The following LMBR1L variants were observed in gnomAD, a reference collection of about 807,000 sequenced individuals.
LMBR1L encodes the protein protein LMBR1L.
LMBR1L carries 47 observed loss-of-function variants against 67.3 expected under a neutral mutation model. The observed-to-expected ratio is 0.70, with a 90% CI of 0.55 to 0.89. The LOEUF (loss-of-function observed/expected upper bound fraction) is 0.89, where lower values mean the gene tolerates loss of function less well. LMBR1L is among the 40% of genes least tolerant of loss of function. LMBR1L has a pLI of 0.00. For synonymous variants in LMBR1L, 247 were observed against 250.3 expected (o/e 0.99, Z 0.13); for missense variants, 533 against 599.2 (o/e 0.89, Z 1.15).
At chr12:49,104,107 C>A in intron 5 of LMBR1L, 1 of 475,166 alleles carries the variant, frequency 2.1e-6, no homozygotes, top group Non-Finnish European at 3.7e-6. Flanking sequence ...CCTCTGGTTT[C>A]GCATCCAACA....
intron 1 of LMBR1L, chr12:49,109,751 G>A (rs1361171917): frequency 2.2e-6 from 1 of 456,470 alleles, no homozygotes; most frequent in Non-Finnish European, 4.4e-6. Flanking sequence ...GTCCACTTCT[G>A]TGCGCAAGGT....
At chr12:49,106,672 T>C in intron 2 of LMBR1L, 1 of 1,283,546 alleles carries the variant, frequency 7.8e-7, no homozygotes, top group Non-Finnish European at 1.1e-6. Flanking sequence ...CACAAAGGGC[T>C]TTCACATTAA....
At chr12:49,097,767 A>T in intron 16 of LMBR1L, 28 bp from the exon 17 acceptor site, 2 of 1,613,874 alleles carry the variant, frequency 1.2e-6, no homozygotes, top group Non-Finnish European at 1.7e-6. Flanking sequence ...GGCAGTCAAA[A>T]GCAAGTCAAA....
At chr12:49,102,008 G>A in intron 11 of LMBR1L, 112 bp downstream of exon 11, 1 of 897,912 alleles carries the variant, frequency 1.1e-6, no homozygotes, top group Non-Finnish European at 1.8e-6. Flanking sequence ...CACTCAGTGA[G>A]AAGCAACCAC....
Position 49,100,629 on chromosome 12 carries a change from G to A in LMBR1L, c.1100C>T (p.Ser367Leu), listed in dbSNP as rs1415195713. ...VVLIFYLMVS[S>L]VVGFYSSPLF... ...TGGAGAGCTATAGAAGCCCACAACT[G>A]AGGACACCATTAGGTAACTGCCACT... Residue 367 changes from serine to leucine, a missense_variant, in exon 14 of 17, where the codon TCA becomes TTA. By Grantham distance (145) the Ser-to-Leu change is moderately radical. Coordinates refer to ENST00000267102, the MANE Select transcript of LMBR1L (RefSeq NM_018113.4). 1.1e-5 allele frequency: 17 copies of A among 1,613,724 alleles called. No homozygotes were observed. Among genetic ancestry groups the A allele is most frequent in the Non-Finnish European group, 1.4e-5 (16 of 1,179,768 alleles).
chr12:49,103,163 A>C lies in LMBR1L; in HGVS notation c.563-4T>G. ...GGGAGATAGTACTCCCAAAAGTCTA[A>C]GGATAAAAAAAAGAGGCATGTCAGC... is the stretch of plus-strand genomic sequence containing the variant. On this transcript the variant is annotated splice_region_variant and splice_polypyrimidine_tract_variant and intron_variant, in intron 6 of 16. Transcript: ENST00000267102. 1 of 1,613,270 alleles carries C rather than the reference A, an allele frequency of 6.2e-7. No individual in the cohort carries two copies. Among genetic ancestry groups the C allele is most frequent in the South Asian group, 1.1e-5 (1 of 91,070 alleles).
Position 49,101,460 on chromosome 12 carries a change from G to C in LMBR1L, c.1008+12C>G. 1 of 1,613,480 alleles carries C rather than the reference G, an allele frequency of 6.2e-7. No individual in the cohort carries two copies. The highest frequency in any genetic ancestry group is 8.5e-7 in the Non-Finnish European group (1 of 1,179,554). On this transcript the variant is annotated intron_variant, in intron 12 of 16. Coordinates refer to ENST00000267102, the MANE Select transcript of LMBR1L (RefSeq NM_018113.4). ...CCTCCCCAAAGGATATGGTGGGAGG[G>C]CAGCCTGGTACCTGCATGCCTCGGG...
rs1245570220 is a variant in LMBR1L, at chr12:49,106,963, GT to G, written c.154del (p.Thr52GlnfsTer105). The G allele has an allele frequency of 6.2e-7, 1 of 1,607,516 alleles. No homozygotes were observed. Among genetic ancestry groups the G allele is most frequent in the Non-Finnish European group, 8.5e-7 (1 of 1,173,932 alleles). On this transcript the variant is annotated frameshift_variant, in exon 2 of 17. Coordinates refer to ENST00000267102, the MANE Select transcript of LMBR1L (RefSeq NM_018113.4). LOFTEE classifies it high-confidence loss of function. ...TRFKKPAEFT[T>X]VDDEDATVNK... is the part of the protein sequence containing the mutation. The stretch of plus-strand genomic sequence containing the variant: ...AGGAGGGAGGGAAATCAAAGTACCT[GT>G]GGTGAACTCAGCAGGCTTCTTGAAG...
intron 2 of LMBR1L, chr12:49,106,194 T>C (rs1940882856): frequency 3.6e-6 from 2 of 555,546 alleles, no homozygotes; most frequent in Non-Finnish European, 6.4e-6. Context: ...ATTCCTATAC[T>C]TCTTTACTCC....
At chr12:49,109,413 A>G (rs545053343) in intron 1 of LMBR1L, among the ~76,000 whole-genome samples, 1 of 152,188 alleles carries the variant, frequency 6.6e-6, no homozygotes, top group East Asian at 1.9e-4. Context: ...ACAGACTAAT[A>G]TACTTTCCTG....
intron 2 of LMBR1L, chr12:49,106,443 T>C (rs1358374444): frequency 3.6e-6 from 2 of 554,532 alleles, no homozygotes; most frequent in South Asian, 1.6e-5. Flanking sequence ...AGCTAGGAAC[T>C]GGGGCAAGTG....
Position 49,101,522 on chromosome 12 carries a change from G to A in LMBR1L, c.958C>T (p.His320Tyr). The A allele has an allele frequency of 6.2e-7, 1 of 1,613,894 alleles. No individual in the cohort carries two copies. Among genetic ancestry groups the A allele is most frequent in the Admixed American group, 1.7e-5 (1 of 60,002 alleles). ...TCATCGATGAGCAGCTCCAGGATGT[G>A]GATGGCCACAATGAGCACAGACAGG... ...TGLSVLIVAIHILELLIDEAA... is the reference protein window; with the variant it reads ...TGLSVLIVAIYILELLIDEAA... Residue 320 changes from histidine (H) to tyrosine (Y), a missense_variant, in exon 12 of 17, where the codon CAC becomes TAC. Physicochemically the swap from His to Tyr is moderately conservative, Grantham distance 83. This residue lies in a region of LMBR1L where 223 missense variants were observed against 241.2 expected (regional missense o/e 0.92). Coordinates refer to ENST00000267102, the MANE Select transcript of LMBR1L (RefSeq NM_018113.4).
At position 49,097,697 on chromosome 12, in the gene LMBR1L, G is replaced by T. The variant is rs1379624926; in HGVS notation, c.1445C>A (p.Ala482Glu). 6.2e-7 allele frequency: 1 copy of T among 1,613,864 alleles called. No individual in the cohort carries two copies. Among genetic ancestry groups the T allele is most frequent in the East Asian group, 2.2e-5 (1 of 44,884 alleles). The change falls in exon 17 of 17, where the codon GCA (alanine) becomes GAA (glutamate). Residue 482 changes from alanine (A) to glutamate (E), a missense_variant. Coordinates refer to ENST00000267102, the MANE Select transcript of LMBR1L (RefSeq NM_018113.4). ...LPLPVSGFPQASRKTQHQ is the reference protein window; with the variant it reads ...LPLPVSGFPQESRKTQHQ ...TCACTGGTGCTGGGTCTTCCTAGATGCCTGGGGGAAACCGGAGACGGGCAG... is the reference window on the plus strand; with the variant it reads ...TCACTGGTGCTGGGTCTTCCTAGATTCCTGGGGGAAACCGGAGACGGGCAG...
In LMBR1L at chr12:49,102,941, T is replaced by C. The variant is rs1940398165; in HGVS notation, c.642A>G (p.Pro214=). 6.2e-7 allele frequency: 1 copy of C among 1,614,086 alleles called. No individual in the cohort carries two copies. The highest frequency in any genetic ancestry group is 8.5e-7 in the Non-Finnish European group (1 of 1,179,996). The part of the protein sequence containing the change: ...LGVLLLLVCT[P]LGLARMFSVT... ...CGGAGAACATGCGGGCGAGACCCAG[T>C]GGAGTACACACTGTAGGGACAAGAG... is the stretch of plus-strand genomic sequence containing the variant. Residue 214 remains proline, a synonymous_variant, in exon 8 of 17, where the codon CCA becomes CCG. Coordinates refer to ENST00000267102, the MANE Select transcript of LMBR1L (RefSeq NM_018113.4).
chr12:49,099,292 G>A (rs991434001), intron 15 of LMBR1L, among the ~76,000 whole-genome samples: 2 of 151,792 alleles, frequency 1.3e-5, no homozygotes, highest in Non-Finnish European at 2.9e-5. Flanking sequence ...GAGATTACAG[G>A]CATGTGCCAC....
rs187794352 is a variant in LMBR1L at position 49,097,212 on chromosome 12, G to C, written c.*460C>G. On this transcript the variant is annotated 3_prime_UTR_variant, in exon 17 of 17. Coordinates refer to ENST00000267102, the MANE Select transcript of LMBR1L (RefSeq NM_018113.4). ...GAAGCCTCCTCCTCCCTATCCCCTT[G>C]GTCTTTCAGGTGGTCCAAAGCCCCT... is the stretch of plus-strand genomic sequence containing the variant. 2.5e-3 allele frequency: 398 copies of C among 160,216 alleles called. 1 individual carries two copies. Among genetic ancestry groups the C allele is most frequent in the Middle Eastern group, 6.3e-3 (2 of 320 alleles). The allele number at this position is 160,216 out of a possible 1,614,324, so 9.9% of individuals were successfully genotyped here.
At chr12:49,104,587 A>T in intron 4 of LMBR1L, 36 bp from the exon 5 acceptor site, 2 of 1,581,760 alleles carry the variant, frequency 1.3e-6, no homozygotes, top group South Asian at 2.2e-5. Context: ...GTGGTCAGTA[A>T]GGGGAGGGGC....
intron 8 of LMBR1L, 115 bp downstream of exon 8, chr12:49,102,772 G>A: frequency 2.0e-6 from 2 of 1,017,058 alleles, no homozygotes; most frequent in Non-Finnish European, 3.0e-6. Context: ...AACCAACAAA[G>A]GCTGTAGCTC....
chr12:49,109,198 C>T (rs764368820), intron 1 of LMBR1L, among the ~76,000 whole-genome samples: 1 of 152,136 alleles, frequency 6.6e-6, no homozygotes, highest in Non-Finnish European at 1.5e-5. Context: ...GCTCATGGGA[C>T]TAAAGGATTA....
Sources: gnomAD v4.1 joint callset for allele counts (sites outside exome capture counted in the v4.1 genomes callset) on GRCh38, gnomAD v4.1.1 for gene constraint, gnomAD v4.1.1 regional missense constraint, MANE v1.5 for transcripts, NCBI Gene and HGNC (gene_info 2026-07-23, HGNC 2026-07-21) for gene names.